The following SYT14 variants were observed in gnomAD, a reference collection of about 807,000 sequenced individuals.
The protein encoded by SYT14 is synaptotagmin 14.
A neutral mutation model predicts 74.2 loss-of-function variants in SYT14; 32 were observed. The ratio of observed to expected loss-of-function variants is 0.43; its 90% CI spans 0.33 to 0.58. The LOEUF is 0.58. SYT14 is among the 20% of genes least tolerant of loss of function. The pLI, the probability that SYT14 is intolerant of heterozygous loss-of-function variation, is 0.05. For missense variants in SYT14, 791 were observed against 981.8 expected, an observed-to-expected ratio of 0.81 and a Z score of 2.60; for synonymous variants, 298 against 337.7, an observed-to-expected ratio of 0.88 and a Z score of 1.29.
chr1:210,132,714 C>T (rs2082702600), intron 7 of SYT14, among the ~76,000 whole-genome samples: 2 of 152,022 alleles, frequency 1.3e-5, no homozygotes, highest in African/African-American at 2.4e-5. Context: ...CAAGTATAAT[C>T]TTCAGAGTAT....
intron 5 of SYT14, among the ~76,000 whole-genome samples, chr1:210,084,031 G>A (rs2081669129): frequency 6.6e-6 from 1 of 152,102 alleles, no homozygotes; most frequent in Non-Finnish European, 1.5e-5. Context: ...AAAATCTATA[G>A]GCCTCCACTG....
At chr1:210,059,447 TATATAGAGAGAGAGAGAG>T (rs1381299196) in intron 5 of SYT14, among the ~76,000 whole-genome samples, 1 of 94,756 alleles carries the variant, frequency 1.1e-5, no homozygotes, top group Non-Finnish European at 2.0e-5. Context: ...TATATATATA[TATATAGAGAGAGAGAGAG>T]AGAGAGAGAG....
chr1:209,982,637 G>A (rs1162199473), intron 2 of SYT14, among the ~76,000 whole-genome samples: 2 of 152,130 alleles, frequency 1.3e-5, no homozygotes, highest in Non-Finnish European at 2.9e-5. Flanking sequence ...TGGCAATTAT[G>A]AATAAAGCTG....
At chr1:210,080,987 AAGG>A (rs1377085409) in intron 5 of SYT14, among the ~76,000 whole-genome samples, 1 of 152,148 alleles carries the variant, frequency 6.6e-6, no homozygotes, top group Non-Finnish European at 1.5e-5. Flanking sequence ...CCCAAGTAAA[AAGG>A]AGGAGGAAGT....
At chr1:210,001,412 C>T (rs1167128218) in intron 2 of SYT14, among the ~76,000 whole-genome samples, 2 of 151,960 alleles carry the variant, frequency 1.3e-5, no homozygotes, top group Non-Finnish European at 2.9e-5. Flanking sequence ...ATAAATCTAA[C>T]TCTGTCTTGA....
intron 7 of SYT14, among the ~76,000 whole-genome samples, chr1:210,123,911 A>AT (rs1375165937): frequency 2.0e-5 from 3 of 152,174 alleles, no homozygotes; most frequent in Non-Finnish European, 4.4e-5. Context: ...GAGAAGACAA[A>AT]TTTTTTTAAA....
At chr1:210,113,651 C>T (rs2082305892) in intron 7 of SYT14, among the ~76,000 whole-genome samples, 1 of 150,598 alleles carries the variant, frequency 6.6e-6, no homozygotes, top group African/African-American at 2.5e-5. Flanking sequence ...GTGTCCCATA[C>T]TTGTGGATTA....
chr1:210,162,587 C>G lies in SYT14; in HGVS notation c.*1545C>G, dbSNP rs1324831420. On this transcript the variant is annotated 3_prime_UTR_variant, in exon 10 of 10. Coordinates refer to ENST00000637265, the Ensembl canonical transcript of SYT14. ...TCTAGTTAAAATAGACAAAAACATA[C>G]TATTTACCAGTTACTAAAAAGCAGT... 1.1e-5 allele frequency: 4 copies of G among 359,714 alleles called. No individual in the cohort carries two copies. In the Admixed American group the frequency reaches 1.6e-4, roughly 15 times the overall value. The allele number at this position is 359,714 out of a possible 1,614,324, so 22.3% of individuals were successfully genotyped here. A position where few individuals can be genotyped will look rare whatever the true frequency, so the allele number is the denominator to read the frequency against.
At chr1:210,083,102 T>A (rs753631111) in intron 5 of SYT14, among the ~76,000 whole-genome samples, 7 of 139,720 alleles carry the variant, frequency 5.0e-5, no homozygotes, top group Non-Finnish European at 1.1e-4. Context: ...CACTTCACCC[T>A]CCCAAGTAGT....
At chr1:210,099,941 C>A in intron 6 of SYT14, 71 bp from the exon 6 acceptor site, 2 of 1,343,852 alleles carry the variant, frequency 1.5e-6, no homozygotes, top group Non-Finnish European at 2.1e-6. Flanking sequence ...AAAGAAATAT[C>A]AAGTATTTAT....
chr1:209,968,169 G>GTCACATTCT (rs2079185168), intron 2 of SYT14, among the ~76,000 whole-genome samples: 1 of 152,132 alleles, frequency 6.6e-6, no homozygotes, highest in Non-Finnish European at 1.5e-5. Flanking sequence ...GTGACAGAAT[G>GTCACATTCT]TAGCCTCATC....
exon 10 of SYT14, chr1:210,168,064 CGGTGGT>C (rs34654082): frequency 4.6e-5 from 7 of 153,028 alleles, no homozygotes; most frequent in South Asian, 4.0e-4. Context: ...GTTGCTGTTT[CGGTGGT>C]GGTGGTGGTG....
chr1:210,094,231 C>A, intron 5 of SYT14, 91 bp from the exon 5 acceptor site: 2 of 1,553,300 alleles, frequency 1.3e-6, no homozygotes, highest in South Asian at 1.1e-5. Flanking sequence ...ATTTTTTGAT[C>A]CAGTTTTCAA....
At chr1:209,983,558 T>C (rs996665804) in intron 2 of SYT14, among the ~76,000 whole-genome samples, 6 of 152,194 alleles carry the variant, frequency 3.9e-5, no homozygotes, top group African/African-American at 1.4e-4. Context: ...TTTGGTTTCT[T>C]TTTATAATTT....
chr1:210,135,297 T>C (rs1267155239), intron 7 of SYT14, among the ~76,000 whole-genome samples: 2 of 152,198 alleles, frequency 1.3e-5, no homozygotes, highest in South Asian at 4.1e-4. Flanking sequence ...GTCTTTTTTT[T>C]CCTCTGTGGT....
At chr1:209,989,581 GGT>G (rs2079629554) in intron 2 of SYT14, among the ~76,000 whole-genome samples, 1 of 152,030 alleles carries the variant, frequency 6.6e-6, no homozygotes, top group Admixed American at 6.6e-5. Context: ...TTCCAGAAAT[GGT>G]GATATAAATG....
At chr1:209,978,575 CAG>C (rs2079415576) in intron 2 of SYT14, among the ~76,000 whole-genome samples, 1 of 152,154 alleles carries the variant, frequency 6.6e-6, no homozygotes, top group South Asian at 2.1e-4. Flanking sequence ...AGTTTTGTCT[CAG>C]AGGAGTACCT....
intron 2 of SYT14, among the ~76,000 whole-genome samples, chr1:209,995,139 A>G (rs1457882132): frequency 6.6e-6 from 1 of 152,182 alleles, no homozygotes; most frequent in South Asian, 2.1e-4. Flanking sequence ...AATCATACAT[A>G]TCAATACTAA....
intron 1 of SYT14, among the ~76,000 whole-genome samples, chr1:209,946,328 T>C (rs907190971): frequency 1.3e-5 from 2 of 152,234 alleles, no homozygotes; most frequent in Non-Finnish European, 2.9e-5. Context: ...GCTAGGCCTT[T>C]TGTGCCAGTA....
Sources: allele counts gnomAD v4.1 joint callset (sites outside exome capture counted in the v4.1 genomes callset), GRCh38; gene constraint gnomAD v4.1.1; transcripts MANE v1.5; gene names NCBI Gene and HGNC (gene_info 2026-07-23, HGNC 2026-07-21).